The following HDX variants were observed in gnomAD, a reference collection of about 807,000 sequenced individuals.
The protein encoded by HDX is highly divergent homeobox, also known as chromosome X open reading frame 43.
In HDX, 19 loss-of-function variants were observed where a neutral mutation model predicts 45.2. The observed-to-expected ratio is 0.42, with a 90% CI of 0.29 to 0.62. HDX has a LOEUF of 0.62. Ranked by LOEUF, HDX falls within the 20% of genes least tolerant of loss-of-function variation. HDX has a pLI of 0.20. For synonymous variants in HDX, 188 were observed against 172.8 expected (o/e 1.09, Z -0.69); for missense variants, 532 against 493.9 (o/e 1.08, Z -0.73).
intron 5 of HDX, among the ~76,000 whole-genome samples, chrX:84,423,040 A>T (rs2039301418): frequency 9.0e-6 from 1 of 111,250 alleles, no homozygotes; most frequent in Non-Finnish European, 1.9e-5. Flanking sequence ...AATAAATAAA[A>T]TCAGAAATTA....
At chrX:84,340,336 T>C (rs1330693571) in intron 7 of HDX, among the ~76,000 whole-genome samples, 1 of 111,478 alleles carries the variant, frequency 9.0e-6, no homozygotes, top group Non-Finnish European at 1.9e-5. Context: ...TGATTTTTAA[T>C]ATGTAATATG....
At chrX:84,374,239 A>C in intron 5 of HDX, among the ~76,000 whole-genome samples, 1 of 111,012 alleles carries the variant, frequency 9.0e-6, no homozygotes, top group Non-Finnish European at 1.9e-5. Context: ...ACTACAAACC[A>C]TTGCTCAATG....
rs542435526 is a variant in HDX at position 84,452,378 on chromosome X, GA to G, written c.1252-11794del. 2.1e-3 allele frequency among the ~76,000 whole-genome samples: 224 copies of G among 109,078 alleles called. 1 individual carries two copies. Among genetic ancestry groups the G allele is most frequent in the Middle Eastern group, 0.014 (3 of 215 alleles). 94.7% of individuals were successfully genotyped at this position (109,078 alleles called of 115,157 possible). A position where few individuals can be genotyped will look rare whatever the true frequency, so the allele number is the denominator to read the frequency against. On this transcript the variant is annotated intron_variant, in intron 4 of 10. Coordinates refer to ENST00000373177, the MANE Select transcript of HDX (RefSeq NM_001177479.2). The stretch of plus-strand genomic sequence containing the variant: ...ATAATCCAATAATAAATTAGCTGAG[GA>G]AAAAAAATCAATAAGGCAATGCAAT...
chrX:84,410,925 T>A (rs2038968054), intron 5 of HDX, among the ~76,000 whole-genome samples: 1 of 109,787 alleles, frequency 9.1e-6, no homozygotes, highest in Non-Finnish European at 1.9e-5. Flanking sequence ...ATTTATCCAT[T>A]TTTTCTAGGT....
chrX:84,442,441 C>T (rs1046929766), intron 4 of HDX, among the ~76,000 whole-genome samples: 1 of 110,357 alleles, frequency 9.1e-6, no homozygotes, highest in Non-Finnish European at 1.9e-5. Context: ...ATGATATAAA[C>T]TCCAAATAAT....
intron 5 of HDX, among the ~76,000 whole-genome samples, chrX:84,423,742 G>A (rs756512605): frequency 7.2e-5 from 8 of 111,700 alleles, no homozygotes; most frequent in Non-Finnish European, 1.5e-4. Context: ...CTTGCTGAAA[G>A]CATTTGATAT....
chrX:84,331,355 A>G (rs754814060), intron 9 of HDX, among the ~76,000 whole-genome samples: 11 of 111,885 alleles, frequency 9.8e-5, no homozygotes, highest in Non-Finnish European at 2.1e-4. Flanking sequence ...CAAGAATGAG[A>G]GACTGTATAA....
intron 5 of HDX, among the ~76,000 whole-genome samples, chrX:84,430,899 C>T (rs1253059231): frequency 9.2e-6 from 1 of 109,218 alleles, no homozygotes; most frequent in Non-Finnish European, 1.9e-5. Flanking sequence ...GTTAAGAATA[C>T]GTGTGCACAT....
At chrX:84,325,102 G>A (rs1030125370) in intron 10 of HDX, among the ~76,000 whole-genome samples, 1 of 110,559 alleles carries the variant, frequency 9.0e-6, no homozygotes, top group Non-Finnish European at 1.9e-5. Context: ...CGTGAAACTT[G>A]ACACATAATA....
chrX:84,442,352 C>T, intron 4 of HDX, among the ~76,000 whole-genome samples: 1 of 111,301 alleles, frequency 9.0e-6, no homozygotes. Flanking sequence ...TTCAGGTAAG[C>T]TGTTACTATT....
In HDX at chrX:84,419,602, G is replaced by C. The variant is rs769890157; in HGVS notation, c.1305+20930C>G. ...CCCAGGAAACCTGGCCATTCTAAGG[G>C]GAAAGACACAGGCCTGACTGGCATT... On this transcript the variant is annotated intron_variant, in intron 5 of 10. Transcript: ENST00000373177. 3.2e-3 allele frequency among the ~76,000 whole-genome samples: 359 copies of C among 112,120 alleles called. 2 individuals are homozygous for C. The highest frequency in any genetic ancestry group is 0.011 in the African/African-American group (345 of 30,853).
At chrX:84,472,304 A>G (rs1188282470) in intron 3 of HDX, among the ~76,000 whole-genome samples, 1 of 111,511 alleles carries the variant, frequency 9.0e-6, no homozygotes, top group Non-Finnish European at 1.9e-5. Context: ...ACCCATCAAA[A>G]AGTAAAATGC....
rs59321751 is a variant in HDX at position 84,356,614 on chromosome X, CTTTTTTTT to C, written c.1452+4844_1452+4851del. Among the ~76,000 whole-genome samples the C allele has an allele frequency of 4.2e-3, 167 of 39,508 alleles. 2 individuals are homozygous for C. Among genetic ancestry groups the C allele is most frequent in the African/African-American group, 0.018 (160 of 9,006 alleles). 34.3% of individuals were successfully genotyped at this position (39,508 alleles called of 115,157 possible). On this transcript the variant is annotated intron_variant, in intron 6 of 10. Transcript: ENST00000373177. ...CACTAGCCAGGAATCCTGTGGATAT[CTTTTTTTT>C]TTTTTTTTTTTTTTTTTTGAGATGG...
intron 2 of HDX, among the ~76,000 whole-genome samples, chrX:84,475,908 C>T (rs755343057): frequency 1.8e-5 from 2 of 111,582 alleles, no homozygotes; most frequent in African/African-American, 6.5e-5. Context: ...TAAAACAAAA[C>T]CTCTTTAGAG....
chrX:84,399,761 C>A (rs907144591), intron 5 of HDX, among the ~76,000 whole-genome samples: 174 of 110,705 alleles, frequency 1.6e-3, no homozygotes, highest in African/African-American at 5.4e-3. Flanking sequence ...AACACACACA[C>A]AAAAAAACTT....
intron 5 of HDX, among the ~76,000 whole-genome samples, chrX:84,418,237 C>T (rs779049266): frequency 6.3e-5 from 7 of 111,776 alleles, no homozygotes; most frequent in Non-Finnish European, 9.4e-5. Flanking sequence ...CGAACTAAAT[C>T]TCCAGTAAAT....
In HDX at chrX:84,324,868, T is replaced by C. The variant is rs189135840; in HGVS notation, c.1947+1310A>G. Among the ~76,000 whole-genome samples, 287 of 110,919 alleles carry C rather than the reference T, an allele frequency of 2.6e-3. 2 individuals are homozygous for C. Among genetic ancestry groups the C allele is most frequent in the African/African-American group, 9.1e-3 (279 of 30,678 alleles). ...ACCTAATTTTGTTTATTCACAGTTA[T>C]TTAAAACTTACAGTACTCTTGGGAC... On this transcript the variant is annotated intron_variant, in intron 10 of 10. Coordinates refer to ENST00000373177, the MANE Select transcript of HDX (RefSeq NM_001177479.2).
At chrX:84,481,793 G>A (rs781764258) in intron 2 of HDX, among the ~76,000 whole-genome samples, 7 of 110,737 alleles carry the variant, frequency 6.3e-5, no homozygotes, top group South Asian at 7.7e-4. Context: ...TGGGGTTTGC[G>A]CTTCTAGTGA....
chrX:84,387,431 C>T (rs1011042075), intron 5 of HDX, among the ~76,000 whole-genome samples: 3 of 111,363 alleles, frequency 2.7e-5, no homozygotes, highest in South Asian at 3.8e-4. Context: ...GTGTTGAAAC[C>T]GCCTAGTATT....
Sources: gnomAD v4.1 joint callset for allele counts (sites outside exome capture counted in the v4.1 genomes callset) on GRCh38, gnomAD v4.1.1 for gene constraint, MANE v1.5 for transcripts, NCBI Gene and HGNC (gene_info 2026-07-23, HGNC 2026-07-21) for gene names.